Variants in SLC44A1 observed in about 807,000 individuals in gnomAD.
SLC44A1 encodes the protein choline transporter-like protein 1.
A neutral mutation model predicts 79.3 loss-of-function variants in SLC44A1; 26 were observed. That is an observed-to-expected ratio of 0.33 (90% CI 0.24 to 0.46). SLC44A1 has a LOEUF of 0.46. SLC44A1 is among the 20% of genes least tolerant of loss of function. The pLI is 1.00. For missense variants in SLC44A1, 688 were observed against 798.1 expected (o/e 0.86, Z 1.66); for synonymous variants, 263 against 286.2 (o/e 0.92, Z 0.82).
intron 15 of SLC44A1, among the ~76,000 whole-genome samples, chr9:105,409,209 A>G (rs971692359): frequency 3.3e-5 from 5 of 152,232 alleles, no homozygotes; most frequent in Non-Finnish European, 7.3e-5. Flanking sequence ...TTTACGTCCA[A>G]AGACACAAAT....
intron 15 of SLC44A1, among the ~76,000 whole-genome samples, chr9:105,431,717 T>C (rs1829400530): frequency 2.0e-5 from 3 of 152,212 alleles, no homozygotes; most frequent in Non-Finnish European, 4.4e-5. Context: ...TAAAATAATC[T>C]GAAGCCTAGT....
intron 4 of SLC44A1, among the ~76,000 whole-genome samples, chr9:105,345,251 A>G (rs1588808186): frequency 1.3e-5 from 2 of 152,182 alleles, no homozygotes; most frequent in Admixed American, 1.3e-4. Flanking sequence ...AGGAAGGTCT[A>G]ATGTCAGGAT....
chr9:105,350,884 C>A (rs1305960921), intron 5 of SLC44A1, among the ~76,000 whole-genome samples: 8 of 152,190 alleles, frequency 5.3e-5, no homozygotes, highest in Admixed American at 4.6e-4. Context: ...AAAAGCAGCA[C>A]CTGTTTTAGA....
chr9:105,291,359 T>G (rs1296469492), intron 1 of SLC44A1, among the ~76,000 whole-genome samples: 1 of 152,172 alleles, frequency 6.6e-6, no homozygotes, highest in Non-Finnish European at 1.5e-5. Flanking sequence ...CACAGACCAA[T>G]GTTTGCCACA....
At chr9:105,297,610 C>T (rs1212706995) in intron 1 of SLC44A1, among the ~76,000 whole-genome samples, 2 of 152,038 alleles carry the variant, frequency 1.3e-5, no homozygotes, top group East Asian at 1.9e-4. Context: ...CTCGAGCTCC[C>T]GACCTCAGGT....
At chr9:105,364,755 A>G (rs1182808164) in intron 10 of SLC44A1, 35 bp downstream of exon 10, 9 of 1,566,900 alleles carry the variant, frequency 5.7e-6, no homozygotes, top group Non-Finnish European at 7.8e-6. Flanking sequence ...ACTCGAGTTC[A>G]TCTAAGGGAT....
At position 105,264,416 on chromosome 9, in the gene SLC44A1, T is replaced by C. The variant is rs59870354; in HGVS notation, c.36+19512T>C. Among the ~76,000 whole-genome samples, 914 of 152,282 alleles carry C rather than the reference T, an allele frequency of 6.0e-3. 11 individuals are homozygous for C. Among genetic ancestry groups the C allele is most frequent in the African/African-American group, 0.02 (824 of 41,562 alleles). ...TCTGGGGCTCAAGTGATCCTCCTGC[T>C]TTGGCCTCCTGAAGTGCAGGGATTA... On this transcript the variant is annotated intron_variant, in intron 1 of 15. Coordinates refer to ENST00000374720, the MANE Select transcript of SLC44A1 (RefSeq NM_080546.5).
At position 105,244,704 on chromosome 9, in the gene SLC44A1, A is replaced by G. The variant is rs1186179845; in HGVS notation, c.-165A>G. The G allele has an allele frequency of 6.6e-6, 2 of 303,956 alleles. No individual in the cohort carries two copies. Among genetic ancestry groups the G allele is most frequent in the Non-Finnish European group, 1.2e-5 (2 of 170,778 alleles). The allele number at this position is 303,956 out of a possible 1,614,324, so 18.8% of individuals were successfully genotyped here. On this transcript the variant is annotated 5_prime_UTR_variant, in exon 1 of 16. Transcript: ENST00000374720. ...GGGGATGTGGCCGGCGCCTGCCTCTAGCCGCGCCGCCTCTTGAGTACCAGC... is the reference window on the plus strand; with the variant it reads ...GGGGATGTGGCCGGCGCCTGCCTCTGGCCGCGCCGCCTCTTGAGTACCAGC...
chr9:105,300,672 T>C (rs1188230645), intron 2 of SLC44A1, among the ~76,000 whole-genome samples: 1 of 152,252 alleles, frequency 6.6e-6, no homozygotes, highest in Non-Finnish European at 1.5e-5. Context: ...ACTCATCTCC[T>C]AACTTAATGA....
At chr9:105,357,646 C>T (rs1281392319) in intron 6 of SLC44A1, among the ~76,000 whole-genome samples, 2 of 152,078 alleles carry the variant, frequency 1.3e-5, no homozygotes, top group Non-Finnish European at 2.9e-5. Context: ...TATAGCACAT[C>T]GGATTTAGCT....
intron 15 of SLC44A1, among the ~76,000 whole-genome samples, chr9:105,431,530 G>A (rs1829393375): frequency 6.6e-6 from 1 of 152,142 alleles, no homozygotes; most frequent in South Asian, 2.1e-4. Context: ...ACACTAACTG[G>A]CCCATGCTGC....
intron 3 of SLC44A1, among the ~76,000 whole-genome samples, chr9:105,335,096 T>G (rs560592879): frequency 8.6e-4 from 130 of 151,368 alleles, no homozygotes; most frequent in African/African-American, 3.1e-3. Context: ...TAATATATAT[T>G]CATTTTTGGA....
At chr9:105,297,385 T>C (rs2131284160) in intron 1 of SLC44A1, among the ~76,000 whole-genome samples, 1 of 152,310 alleles carries the variant, frequency 6.6e-6, no homozygotes, top group East Asian at 1.9e-4. Flanking sequence ...CTTACTTTTT[T>C]TCTTTGTTTG....
At chr9:105,344,656 G>T (rs1588807380) in intron 4 of SLC44A1, among the ~76,000 whole-genome samples, 1 of 152,188 alleles carries the variant, frequency 6.6e-6, no homozygotes, top group East Asian at 1.9e-4. Context: ...CTCCACTCAG[G>T]ATATCTGTTT....
chr9:105,437,147 T>C (rs780649477), intron 15 of SLC44A1, among the ~76,000 whole-genome samples: 4 of 152,170 alleles, frequency 2.6e-5, no homozygotes, highest in Non-Finnish European at 4.4e-5. Context: ...ATTTTAAACT[T>C]ATAGAAATGC....
At chr9:105,298,870 A>G (rs1194186942) in intron 1 of SLC44A1, among the ~76,000 whole-genome samples, 5 of 152,170 alleles carry the variant, frequency 3.3e-5, no homozygotes, top group Non-Finnish European at 1.5e-5. Flanking sequence ...ATGCCGAGAA[A>G]TAAGCCTGGT....
intron 1 of SLC44A1, among the ~76,000 whole-genome samples, chr9:105,270,055 A>C (rs1274869502): frequency 6.6e-6 from 1 of 152,210 alleles, no homozygotes; most frequent in Non-Finnish European, 1.5e-5. Context: ...CTTGTGTTAA[A>C]GTGTTAAAAT....
chr9:105,304,041 G>T lies in SLC44A1; in HGVS notation c.126+4732G>T, dbSNP rs539264037. 2.7e-4 allele frequency among the ~76,000 whole-genome samples: 41 copies of T among 152,286 alleles called. 1 individual carries two copies. The highest frequency in any genetic ancestry group is 7.9e-4 in the African/African-American group (33 of 41,570). On this transcript the variant is annotated intron_variant, in intron 2 of 15. Coordinates refer to ENST00000374720, the MANE Select transcript of SLC44A1 (RefSeq NM_080546.5). ...TGAGAAAATGAGTTGTGGACATGTA[G>T]AATTTGTGAGTAAGGAGAAGCAGTT...
chr9:105,259,786 T>A (rs1270562215), intron 1 of SLC44A1, among the ~76,000 whole-genome samples: 1 of 152,226 alleles, frequency 6.6e-6, no homozygotes, highest in African/African-American at 2.4e-5. Flanking sequence ...AGAAGCAGAT[T>A]TCAGTTATGA....
Sources: gnomAD v4.1 joint callset for allele counts (sites outside exome capture counted in the v4.1 genomes callset) on GRCh38, gnomAD v4.1.1 for gene constraint, MANE v1.5 for transcripts, NCBI Gene and HGNC (gene_info 2026-07-23, HGNC 2026-07-21) for gene names.